The following RPS6KC1 variants were observed in gnomAD, a reference collection of about 807,000 sequenced individuals.
RPS6KC1 encodes the protein ribosomal protein S6 kinase C1.
A neutral mutation model predicts 103.8 loss-of-function variants in RPS6KC1; 54 were observed. That is an observed-to-expected ratio of 0.52 (90% CI 0.42 to 0.65). The LOEUF (loss-of-function observed/expected upper bound fraction) is 0.65, where lower values mean the gene tolerates loss of function less well. Ranked by LOEUF, RPS6KC1 falls within the 30% of genes least tolerant of loss-of-function variation. RPS6KC1 has a pLI of 0.00. For synonymous variants in RPS6KC1, 439 were observed against 438.7 expected, an observed-to-expected ratio of 1.00 and a Z score of -0.01; for missense variants, 1,151 against 1,253.8, an observed-to-expected ratio of 0.92 and a Z score of 1.24.
At chr1:213,102,209 C>T (rs2082078742) in intron 3 of RPS6KC1, among the ~76,000 whole-genome samples, 1 of 152,168 alleles carries the variant, frequency 6.6e-6, no homozygotes, top group Non-Finnish European at 1.5e-5. Flanking sequence ...TAGCCTCAAG[C>T]GTGGCAGCTG....
At chr1:213,249,504 A>G (rs1443206356) in intron 12 of RPS6KC1, among the ~76,000 whole-genome samples, 3 of 152,142 alleles carry the variant, frequency 2.0e-5, no homozygotes, top group African/African-American at 7.2e-5. Context: ...CTCTCTGCCT[A>G]ACACAGCAGC....
chr1:213,634,755 C>T, the RPS6KC1 span, among the ~76,000 whole-genome samples: 1 of 150,040 alleles, frequency 6.7e-6, no homozygotes, highest in East Asian at 2.0e-4. Flanking sequence ...GAGATAGAGA[C>T]ACTAAAAATA....
intron 8 of RPS6KC1, among the ~76,000 whole-genome samples, chr1:213,202,079 G>A (rs1414592195): frequency 6.6e-6 from 1 of 152,114 alleles, no homozygotes; most frequent in African/African-American, 2.4e-5. Flanking sequence ...AAAACCTGAA[G>A]CCAGAGAGCT....
intron 12 of RPS6KC1, among the ~76,000 whole-genome samples, chr1:213,251,042 A>T (rs150062620): frequency 4.4e-4 from 67 of 151,574 alleles, no homozygotes; most frequent in African/African-American, 1.5e-3. Context: ...TTGAACAGGG[A>T]TAGAAAAAAC....
chr1:213,337,637 T>C, the RPS6KC1 span, among the ~76,000 whole-genome samples: 13 of 152,326 alleles, frequency 8.5e-5, no homozygotes, highest in East Asian at 2.1e-3. Flanking sequence ...ACTGTGGTTA[T>C]TGATGTTGAT....
intron 6 of RPS6KC1, among the ~76,000 whole-genome samples, chr1:213,137,926 T>C (rs1171664578): frequency 6.8e-6 from 1 of 147,356 alleles, no homozygotes; most frequent in Non-Finnish European, 1.5e-5. Flanking sequence ...GCTGTTGTAG[T>C]TTGGTTGGTT....
At chr1:213,513,034 G>T in the RPS6KC1 span, among the ~76,000 whole-genome samples, 1 of 152,176 alleles carries the variant, frequency 6.6e-6, no homozygotes, top group Non-Finnish European at 1.5e-5. Context: ...CATGGCAAAA[G>T]GGACTTTATG....
At chr1:213,239,991 A>T (rs142058358) in intron 10 of RPS6KC1, among the ~76,000 whole-genome samples, 2 of 152,204 alleles carry the variant, frequency 1.3e-5, no homozygotes, top group African/African-American at 4.8e-5. Flanking sequence ...TATTTCTCTG[A>T]TTTACATGAA....
chr1:213,144,962 C>T (rs1268784989), intron 6 of RPS6KC1, among the ~76,000 whole-genome samples: 1 of 152,028 alleles, frequency 6.6e-6, no homozygotes, highest in African/African-American at 2.4e-5. Context: ...GTAATCCCAC[C>T]TACTCAGGAG....
At chr1:213,431,903 T>A in the RPS6KC1 span, among the ~76,000 whole-genome samples, 1 of 152,136 alleles carries the variant, frequency 6.6e-6, no homozygotes, top group East Asian at 1.9e-4. Context: ...TTCAGAGTGG[T>A]TGTACCAGTT....
At chr1:213,249,046 A>G (rs1164638324) in intron 12 of RPS6KC1, among the ~76,000 whole-genome samples, 1 of 152,138 alleles carries the variant, frequency 6.6e-6, no homozygotes, top group East Asian at 1.9e-4. Context: ...TTTTTTCTTG[A>G]TGATCTTGGG....
chr1:213,070,720 A>G (rs941430456), intron 1 of RPS6KC1, among the ~76,000 whole-genome samples: 1 of 152,236 alleles, frequency 6.6e-6, no homozygotes, highest in Non-Finnish European at 1.5e-5. Flanking sequence ...CAGTCTTTAC[A>G]CATCTATTTA....
intron 6 of RPS6KC1, 151 bp from the exon 7 acceptor site, chr1:213,167,707 A>G: frequency 2.2e-6 from 1 of 463,734 alleles, no homozygotes; most frequent in Middle Eastern, 3.5e-4. Flanking sequence ...GACTTGGTTG[A>G]TACTAATAAC....
chr1:213,544,341 C>G, the RPS6KC1 span, among the ~76,000 whole-genome samples: 1 of 152,088 alleles, frequency 6.6e-6, no homozygotes, highest in Non-Finnish European at 1.5e-5. Context: ...ACATTTGGCT[C>G]ATGATTACAG....
chr1:213,178,498 G>T (rs1017444377), intron 8 of RPS6KC1, among the ~76,000 whole-genome samples: 2 of 151,798 alleles, frequency 1.3e-5, no homozygotes, highest in Non-Finnish European at 2.9e-5. Context: ...CCGAGATTGT[G>T]CCACTGTACT....
At chr1:213,237,981 T>C (rs2094262423) in intron 10 of RPS6KC1, among the ~76,000 whole-genome samples, 1 of 152,104 alleles carries the variant, frequency 6.6e-6, no homozygotes, top group Non-Finnish European at 1.5e-5. Flanking sequence ...ATAGATTCTT[T>C]TCCTTGAAAG....
At chr1:213,576,624 C>T in the RPS6KC1 span, among the ~76,000 whole-genome samples, 1 of 152,052 alleles carries the variant, frequency 6.6e-6, no homozygotes, top group Non-Finnish European at 1.5e-5. Flanking sequence ...TCTGACTGCT[C>T]CTCTTCAGTC....
At chr1:213,326,389 AAC>A in the RPS6KC1 span, among the ~76,000 whole-genome samples, 1 of 152,234 alleles carries the variant, frequency 6.6e-6, no homozygotes, top group Non-Finnish European at 1.5e-5. Context: ...AATAATTAGG[AAC>A]ACAGACAAAA....
the RPS6KC1 span, among the ~76,000 whole-genome samples, chr1:213,484,699 A>G: frequency 6.6e-6 from 1 of 152,160 alleles, no homozygotes; most frequent in African/African-American, 2.4e-5. Flanking sequence ...CTTCTAAGTT[A>G]ATTCTTTGTC....
Sources: gnomAD v4.1 joint callset for allele counts (sites outside exome capture counted in the v4.1 genomes callset) on GRCh38, gnomAD v4.1.1 for gene constraint, MANE v1.5 for transcripts, NCBI Gene and HGNC (gene_info 2026-07-23, HGNC 2026-07-21) for gene names.